The following CTNNA2 variants were observed in gnomAD, a reference collection of about 807,000 sequenced individuals.
CTNNA2 encodes catenin alpha-2.
Under a neutral mutation model 101.0 loss-of-function variants are expected in CTNNA2, and 42 were observed. The ratio of observed to expected loss-of-function variants is 0.42; its 90% confidence interval spans 0.32 to 0.54. The LOEUF is 0.54. Ranked by LOEUF, CTNNA2 falls within the 20% of genes least tolerant of loss-of-function variation. The pLI, the probability that CTNNA2 is intolerant of heterozygous loss-of-function variation, is 0.14. For missense variants in CTNNA2, 871 were observed against 1,223.1 expected, an observed-to-expected ratio of 0.71 and a Z score of 4.29; for synonymous variants, 450 against 456.4, an observed-to-expected ratio of 0.99 and a Z score of 0.18.
intron 4 of CTNNA2, among the ~76,000 whole-genome samples, chr2:79,421,823 G>T (rs573033051): frequency 6.6e-6 from 1 of 152,248 alleles, no homozygotes; most frequent in East Asian, 1.9e-4. Flanking sequence ...GAGTAGCTAT[G>T]AATGGACAAT....
At chr2:79,236,531 C>T (rs973922010) in intron 2 of CTNNA2, among the ~76,000 whole-genome samples, 2 of 152,302 alleles carry the variant, frequency 1.3e-5, no homozygotes, top group Middle Eastern at 3.4e-3. Flanking sequence ...AAGATTGCCA[C>T]ATATATTTGA....
chr2:80,200,942 A>G (rs762565203), intron 7 of CTNNA2, among the ~76,000 whole-genome samples: 1 of 151,932 alleles, frequency 6.6e-6, no homozygotes, highest in Non-Finnish European at 1.5e-5. Context: ...CAAAGATTAT[A>G]CAATCATCCC....
At chr2:79,821,759 A>C (rs1173933472) in intron 3 of CTNNA2, among the ~76,000 whole-genome samples, 2 of 152,198 alleles carry the variant, frequency 1.3e-5, no homozygotes, top group Non-Finnish European at 2.9e-5. Flanking sequence ...CAAGGTGTAC[A>C]TCCCATATAG....
intron 7 of CTNNA2, among the ~76,000 whole-genome samples, chr2:80,206,457 A>G (rs1391109571): frequency 6.6e-6 from 1 of 152,238 alleles, no homozygotes; most frequent in Non-Finnish European, 1.5e-5. Flanking sequence ...AGATGCTATC[A>G]CATCACATCC....
intron 4 of CTNNA2, among the ~76,000 whole-genome samples, chr2:79,379,523 C>CT (rs1375817583): frequency 6.6e-6 from 1 of 152,108 alleles, no homozygotes; most frequent in Admixed American, 6.6e-5. Context: ...ACTTAGCTCA[C>CT]TTTTTAAAAT....
intron 2 of CTNNA2, among the ~76,000 whole-genome samples, chr2:79,678,133 C>T (rs1484721856): frequency 1.3e-5 from 2 of 152,170 alleles, no homozygotes; most frequent in South Asian, 2.1e-4. Context: ...CTTCCAGATT[C>T]GACTACTTCG....
At chr2:80,256,730 A>G (rs1202635443) in intron 7 of CTNNA2, among the ~76,000 whole-genome samples, 4 of 152,164 alleles carry the variant, frequency 2.6e-5, no homozygotes, top group African/African-American at 9.7e-5. Context: ...TGTTTCATAC[A>G]TGCTTTTTTA....
At chr2:80,098,303 G>A (rs111545326) in intron 7 of CTNNA2, among the ~76,000 whole-genome samples, 7,418 of 152,124 alleles carry the variant, frequency 0.049, 525 homozygotes, top group African/African-American at 0.17. Context: ...TATCAGCAGC[G>A]GTGGCTGCAG....
At chr2:80,281,236 C>T (rs1482917652) in intron 7 of CTNNA2, among the ~76,000 whole-genome samples, 1 of 152,102 alleles carries the variant, frequency 6.6e-6, no homozygotes. Context: ...TGTCAAGGCT[C>T]AGGCCAGGGT....
rs1272474559 is a variant in CTNNA2, at chr2:79,416,252, CTTTTCT to C, written c.-135+42244_-135+42249del. 7.5e-3 allele frequency among the ~76,000 whole-genome samples: 895 copies of C among 118,642 alleles called. 7 individuals carry two copies. Among genetic ancestry groups the C allele is most frequent in the African/African-American group, 0.028 (836 of 29,804 alleles). The allele number at this position is 118,642 out of a possible 152,430, so 77.8% of individuals were successfully genotyped here. On this transcript the variant is annotated intron_variant, in intron 4 of 21. Coordinates refer to the CTNNA2 transcript ENST00000466387. ...TCATGTCTCCTTGTCTTCTTCTTTCCTTTTCTTTTTTTTTTTTTTTTTTTTTTTTGG... is the reference window on the plus strand; with the variant it reads ...TCATGTCTCCTTGTCTTCTTCTTTCCTTTTTTTTTTTTTTTTTTTTTTTGG...
intron 4 of CTNNA2, among the ~76,000 whole-genome samples, chr2:79,410,018 T>A (rs1300328481): frequency 2.0e-5 from 3 of 150,416 alleles, no homozygotes; most frequent in Non-Finnish European, 4.5e-5. Context: ...GTCCTTCACA[T>A]CCCTTGTAAG....
intron 2 of CTNNA2, among the ~76,000 whole-genome samples, chr2:79,652,590 C>T (rs973831745): frequency 6.6e-6 from 1 of 152,038 alleles, no homozygotes; most frequent in Admixed American, 6.6e-5. Flanking sequence ...AATAAGGACC[C>T]TTGTGATTAT....
chr2:80,095,689 C>T (rs1410655708), intron 7 of CTNNA2, among the ~76,000 whole-genome samples: 2 of 152,076 alleles, frequency 1.3e-5, no homozygotes, highest in African/African-American at 2.4e-5. Flanking sequence ...GAGCCTGTTA[C>T]TGGTCTATTC....
intron 2 of CTNNA2, among the ~76,000 whole-genome samples, chr2:79,255,345 G>A (rs1171533260): frequency 6.6e-6 from 1 of 152,140 alleles, no homozygotes; most frequent in African/African-American, 2.4e-5. Flanking sequence ...CAGAGTGAAT[G>A]TTTGTTCAGA....
chr2:79,898,875 G>T (rs1338200298), intron 6 of CTNNA2, among the ~76,000 whole-genome samples: 1 of 152,124 alleles, frequency 6.6e-6, no homozygotes, highest in Non-Finnish European at 1.5e-5. Flanking sequence ...TGATAGTAGA[G>T]AGTAGTTGAG....
chr2:79,588,058 CT>C (rs1043458169), intron 1 of CTNNA2, among the ~76,000 whole-genome samples: 2 of 152,054 alleles, frequency 1.3e-5, no homozygotes, highest in Non-Finnish European at 2.9e-5. Flanking sequence ...TGCCAGAGAA[CT>C]TTTTTCAGAA....
chr2:80,120,975 C>T (rs998390278), intron 7 of CTNNA2, among the ~76,000 whole-genome samples: 4 of 152,138 alleles, frequency 2.6e-5, no homozygotes, highest in Non-Finnish European at 4.4e-5. Flanking sequence ...ATTTTTTCCA[C>T]ATGGTACAAC....
chr2:80,006,036 G>T (rs1693316955), intron 7 of CTNNA2, among the ~76,000 whole-genome samples: 1 of 152,038 alleles, frequency 6.6e-6, no homozygotes, highest in Admixed American at 6.6e-5. Context: ...TTTAGAAGTT[G>T]CTCTGTTGTG....
At chr2:80,092,412 C>A (rs899934831) in intron 7 of CTNNA2, among the ~76,000 whole-genome samples, 10 of 152,128 alleles carry the variant, frequency 6.6e-5, no homozygotes, top group African/African-American at 2.2e-4. Context: ...TCCTCTCCTT[C>A]CCTGTATCTT....
Sources: gnomAD v4.1 joint callset for allele counts (sites outside exome capture counted in the v4.1 genomes callset) on GRCh38, gnomAD v4.1.1 for gene constraint, MANE v1.5 for transcripts, NCBI Gene and HGNC (gene_info 2026-07-23, HGNC 2026-07-21) for gene names.